Variants in TDRP observed in about 807,000 individuals in gnomAD.
The protein encoded by TDRP is testis development-related protein.
TDRP carries 12 observed loss-of-function variants against 10.5 expected under a neutral mutation model. That is an observed-to-expected ratio of 1.15 (90% CI 0.73 to 1.86). The LOEUF (loss-of-function observed/expected upper bound fraction) is 1.86. Among genes scored for constraint, TDRP ranks in the 40% most tolerant of loss-of-function variants. TDRP has a pLI of 0.00. For missense variants in TDRP, 353 were observed against 229.2 expected (o/e 1.54, Z -3.49); for synonymous variants, 139 against 95.4 (o/e 1.46, Z -2.67).
Position 490,659 on chromosome 8 carries a change from C to T in TDRP, c.*1740G>A, listed in dbSNP as rs555888335. 3 of 152,332 alleles carry T rather than the reference C, an allele frequency of 2.0e-5. No individual in the cohort carries two copies. The highest frequency in any genetic ancestry group is 6.5e-5 in the Admixed American group (1 of 15,308). The allele number at this position is 152,332 out of a possible 1,614,324, so 9.4% of individuals were successfully genotyped here. A position where few individuals can be genotyped will look rare whatever the true frequency, so the allele number is the denominator to read the frequency against. ...TTTTACTATCCCAGCAAGCACTTCT[C>T]TAGGGAAAAGGACAGTTATGACTAT... On this transcript the variant is annotated 3_prime_UTR_variant, in exon 3 of 3. Coordinates refer to ENST00000324079, the MANE Select transcript of TDRP (RefSeq NM_001384899.1).
At chr8:510,964 G>A (rs538041746) in intron 1 of TDRP, among the ~76,000 whole-genome samples, 1 of 152,162 alleles carries the variant, frequency 6.6e-6, no homozygotes, top group African/African-American at 2.4e-5. Context: ...GATGAGGGTA[G>A]AAGCAAAGCT....
intron 1 of TDRP, among the ~76,000 whole-genome samples, chr8:495,993 G>C (rs1473785766): frequency 3.9e-5 from 6 of 152,228 alleles, no homozygotes; most frequent in Non-Finnish European, 8.8e-5. Flanking sequence ...CAACAGTTGT[G>C]ACTGGAGAGG....
At position 515,161 on chromosome 8, in the gene TDRP, G is replaced by A. The variant is rs191385223; in HGVS notation, c.109-20564C>T. Among the ~76,000 whole-genome samples the A allele has an allele frequency of 4.6e-5, 7 of 152,224 alleles. No homozygotes were observed. In the East Asian group the frequency reaches 1.4e-3, roughly 30 times the overall value. ...AAGACGGCACTGATGTATGTTCTGT[G>A]CACAGCCAGAGATCCAAGTACAAGC... On this transcript the variant is annotated intron_variant, in intron 1 of 2. Transcript: ENST00000324079.
intron 1 of TDRP, among the ~76,000 whole-genome samples, chr8:524,426 A>G (rs906793002): frequency 1.3e-5 from 2 of 152,068 alleles, no homozygotes; most frequent in Non-Finnish European, 2.9e-5. Context: ...TCATCCAGGA[A>G]AACATAACCT....
intron 1 of TDRP, among the ~76,000 whole-genome samples, chr8:532,843 T>C (rs7826994): frequency 0.33 from 50,210 of 151,824 alleles, 10,837 homozygotes; most frequent in African/African-American, 0.62. Flanking sequence ...CCAGCCACGA[T>C]CGTTCATTTA....
chr8:496,580 C>G (rs908226621), intron 1 of TDRP, among the ~76,000 whole-genome samples: 2 of 152,216 alleles, frequency 1.3e-5, no homozygotes, highest in Admixed American at 1.3e-4. Flanking sequence ...CATTCCCAGG[C>G]CTGCTGTGTC....
chr8:531,568 A>G (rs1429494198), intron 1 of TDRP, among the ~76,000 whole-genome samples: 1 of 152,188 alleles, frequency 6.6e-6, no homozygotes, highest in African/African-American at 2.4e-5. Context: ...ACATACGGAC[A>G]CTTTTTATCT....
intron 2 of TDRP, among the ~76,000 whole-genome samples, chr8:494,269 T>C (rs1309250193): frequency 1.3e-5 from 2 of 152,088 alleles, no homozygotes; most frequent in Non-Finnish European, 2.9e-5. Context: ...CCCATTTCTG[T>C]TTATTCACAA....
chr8:524,474 T>G (rs1801985974), intron 1 of TDRP, among the ~76,000 whole-genome samples: 1 of 152,124 alleles, frequency 6.6e-6, no homozygotes, highest in South Asian at 2.1e-4. Context: ...CAGAGATATG[T>G]GACCTTTCAC....
intron 1 of TDRP, among the ~76,000 whole-genome samples, chr8:524,937 A>C (rs1451814686): frequency 2.6e-5 from 4 of 152,202 alleles, no homozygotes; most frequent in African/African-American, 9.6e-5. Context: ...ATCCTAGAGA[A>C]AGACATCTAT....
At chr8:543,554 T>TA (rs550881118) in intron 1 of TDRP, among the ~76,000 whole-genome samples, 204 of 142,670 alleles carry the variant, frequency 1.4e-3, no homozygotes, top group African/African-American at 3.2e-3. Flanking sequence ...ATTCTGAAAT[T>TA]AAAAAAAAAA....
chr8:521,705 G>A (rs1004779379), intron 1 of TDRP, among the ~76,000 whole-genome samples: 30 of 152,010 alleles, frequency 2.0e-4, no homozygotes, highest in African/African-American at 7.0e-4. Context: ...TCTTTCTCAA[G>A]ATTGTTTTAG....
At chr8:528,650 C>T (rs1282849306) in intron 1 of TDRP, among the ~76,000 whole-genome samples, 1 of 130,816 alleles carries the variant, frequency 7.6e-6, no homozygotes. Context: ...GTTTGTAACA[C>T]AAAGGATAAA....
At chr8:494,281 G>A (rs1389691324) in intron 2 of TDRP, among the ~76,000 whole-genome samples, 2 of 151,966 alleles carry the variant, frequency 1.3e-5, no homozygotes, top group African/African-American at 2.4e-5. Flanking sequence ...TATTCACAAG[G>A]GATGGATGTT....
At chr8:528,064 A>T (rs1802082531) in intron 1 of TDRP, among the ~76,000 whole-genome samples, 1 of 152,214 alleles carries the variant, frequency 6.6e-6, no homozygotes. Flanking sequence ...ATCTATAGGA[A>T]AAAACCTAAT....
intron 1 of TDRP, 36 bp downstream of exon 1, chr8:544,614 G>A (rs975741005): frequency 3.3e-6 from 4 of 1,210,002 alleles, no homozygotes; most frequent in Non-Finnish European, 4.1e-6. Flanking sequence ...GCGCGCCCCC[G>A]GCCTACTAGC....
chr8:541,493 T>C (rs1802494051), intron 1 of TDRP, among the ~76,000 whole-genome samples: 1 of 152,204 alleles, frequency 6.6e-6, no homozygotes, highest in East Asian at 1.9e-4. Context: ...GGAGAAAATC[T>C]TTATAGAACA....
intron 1 of TDRP, among the ~76,000 whole-genome samples, chr8:508,224 A>T (rs1801516934): frequency 6.6e-6 from 1 of 152,258 alleles, no homozygotes; most frequent in Non-Finnish European, 1.5e-5. Context: ...ATAATACATG[A>T]AATAAAATAT....
rs532791772 is a variant in TDRP at position 508,462 on chromosome 8, G to A, written c.109-13865C>T. Among the ~76,000 whole-genome samples, 5 of 152,310 alleles carry A rather than the reference G, an allele frequency of 3.3e-5. No individual in the cohort carries two copies. In the South Asian group the frequency reaches 1.0e-3, roughly 32 times the overall value. ...AAATGGTGGAAGGCAAAAGGCAAAG[G>A]CATATCTAATATGGCAGCATTCAAG... is the stretch of plus-strand genomic sequence containing the variant. On this transcript the variant is annotated intron_variant, in intron 1 of 2. Transcript: ENST00000324079.
Sources: allele counts gnomAD v4.1 joint callset (sites outside exome capture counted in the v4.1 genomes callset), GRCh38; gene constraint gnomAD v4.1.1; transcripts MANE v1.5; gene names NCBI Gene and HGNC (gene_info 2026-07-23, HGNC 2026-07-21).